The following PHF20 variants were observed in gnomAD, a reference collection of about 807,000 sequenced individuals.
PHF20 encodes PHD finger protein 20.
A neutral mutation model predicts 113.5 loss-of-function variants in PHF20; 23 were observed. That is an observed-to-expected ratio of 0.20 (90% confidence interval 0.15 to 0.29). The LOEUF (loss-of-function observed/expected upper bound fraction) is 0.29, where lower values mean the gene tolerates loss of function less well. Ranked by LOEUF, PHF20 falls within the 10% of genes least tolerant of loss-of-function variation. The pLI is 1.00. For missense variants in PHF20, 943 were observed against 1,219.6 expected, an observed-to-expected ratio of 0.77 and a Z score of 3.38; for synonymous variants, 434 against 457.3, an observed-to-expected ratio of 0.95 and a Z score of 0.65.
chr20:35,851,521 G>A (rs530563594), intron 4 of PHF20, among the ~76,000 whole-genome samples: 4 of 152,152 alleles, frequency 2.6e-5, no homozygotes, highest in Admixed American at 6.5e-5. Flanking sequence ...CACACGTGCA[G>A]GTGCTAGCTT....
chr20:35,801,318 G>A (rs1334794790), intron 1 of PHF20, among the ~76,000 whole-genome samples, 173 bp from the exon 2 acceptor site: 1 of 152,188 alleles, frequency 6.6e-6, no homozygotes, highest in African/African-American at 2.4e-5. Context: ...GAAGCTGCAC[G>A]ATGGAGGAAT....
chr20:35,889,028 T>G (rs2054794710), intron 9 of PHF20, among the ~76,000 whole-genome samples: 1 of 116,474 alleles, frequency 8.6e-6, no homozygotes, highest in Non-Finnish European at 1.8e-5. Flanking sequence ...TTTTTTTTTT[T>G]TTTTTTGAAA....
At chr20:35,857,562 C>CTTTTTTTTTTTTTGTTTT (rs2042855214) in intron 4 of PHF20, among the ~76,000 whole-genome samples, 1 of 99,674 alleles carries the variant, frequency 1.0e-5, no homozygotes, top group African/African-American at 3.7e-5. Flanking sequence ...AATGATGTTC[C>CTTTTTTTTTTTTTGTTTT]TTTTTTTTTT....
chr20:35,941,608 C>G (rs561367258), intron 17 of PHF20, among the ~76,000 whole-genome samples: 1 of 152,156 alleles, frequency 6.6e-6, no homozygotes, highest in African/African-American at 2.4e-5. Context: ...AGTTCAGTCT[C>G]TCTCCAGGAA....
chr20:35,937,998 A>G (rs534138053), intron 15 of PHF20, among the ~76,000 whole-genome samples: 24 of 152,074 alleles, frequency 1.6e-4, no homozygotes, highest in African/African-American at 5.5e-4. Context: ...CAGCCTCCCA[A>G]GTAGCTGGGA....
chr20:35,776,777 C>T (rs914011852), intron 1 of PHF20, among the ~76,000 whole-genome samples: 1 of 152,156 alleles, frequency 6.6e-6, no homozygotes, highest in Non-Finnish European at 1.5e-5. Context: ...AGTCCTAGCT[C>T]TTCCATTTAC....
At chr20:35,862,955 C>A in intron 5 of PHF20, 58 bp from the exon 6 acceptor site, 1 of 1,480,450 alleles carries the variant, frequency 6.8e-7, no homozygotes, top group Non-Finnish European at 9.0e-7. Flanking sequence ...TAAGAAACTC[C>A]TAATTTTGTA....
chr20:35,799,158 G>A (rs1372346121), intron 1 of PHF20, among the ~76,000 whole-genome samples: 1 of 152,012 alleles, frequency 6.6e-6, no homozygotes, highest in African/African-American at 2.4e-5. Context: ...GCTGTCAAGA[G>A]CCAAAGTATA....
chr20:35,817,811 A>G (rs1474770713), intron 2 of PHF20, among the ~76,000 whole-genome samples: 1 of 151,932 alleles, frequency 6.6e-6, no homozygotes, highest in Admixed American at 6.6e-5. Context: ...AATTTAAAAA[A>G]TAAAATTATT....
chr20:35,789,127 C>T (rs1051839617), intron 1 of PHF20, among the ~76,000 whole-genome samples: 1 of 152,084 alleles, frequency 6.6e-6, no homozygotes, highest in Non-Finnish European at 1.5e-5. Context: ...GAGAAAGCAG[C>T]TTGTTTGGCC....
chr20:35,866,831 A>G (rs867307741), intron 6 of PHF20, among the ~76,000 whole-genome samples: 2 of 152,218 alleles, frequency 1.3e-5, no homozygotes, highest in African/African-American at 4.8e-5. Context: ...TTCAGTTTTT[A>G]TATTTTTATA....
chr20:35,939,688 T>C (rs1384052966), intron 16 of PHF20, among the ~76,000 whole-genome samples: 4 of 152,166 alleles, frequency 2.6e-5, no homozygotes, highest in Non-Finnish European at 5.9e-5. Context: ...GTTGCCGGTG[T>C]TTTCATCTCT....
At chr20:35,781,283 A>G (rs1182421915) in intron 1 of PHF20, among the ~76,000 whole-genome samples, 1 of 151,764 alleles carries the variant, frequency 6.6e-6, no homozygotes, top group African/African-American at 2.4e-5. Flanking sequence ...AGCTGGGATT[A>G]TAGGCCTGCA....
intron 8 of PHF20, among the ~76,000 whole-genome samples, chr20:35,871,420 T>G (rs2054418847): frequency 6.6e-6 from 1 of 152,218 alleles, no homozygotes; most frequent in African/African-American, 2.4e-5. Flanking sequence ...GCCATCTCAT[T>G]CGTGCCTTTG....
intron 4 of PHF20, chr20:35,856,406 C>T (rs1376901903): frequency 6.6e-6 from 1 of 152,182 alleles, no homozygotes; most frequent in African/African-American, 2.4e-5. Flanking sequence ...TGCCCTGTTC[C>T]CAGTTGCTGT....
chr20:35,918,869 A>G (rs1284421334), intron 13 of PHF20, among the ~76,000 whole-genome samples: 2 of 152,202 alleles, frequency 1.3e-5, no homozygotes. Flanking sequence ...GTTCCCAGTA[A>G]AGGGGGTGGC....
intron 3 of PHF20, 42 bp from the exon 4 acceptor site, chr20:35,847,308 A>C (rs1283345646): frequency 1.5e-6 from 2 of 1,342,366 alleles, no homozygotes; most frequent in African/African-American, 2.9e-5. Context: ...CTGTGAAATT[A>C]GGTTGGTAAC....
chr20:35,909,958 A>G (rs1013568589), intron 10 of PHF20, among the ~76,000 whole-genome samples: 3 of 152,202 alleles, frequency 2.0e-5, no homozygotes, highest in Non-Finnish European at 2.9e-5. Flanking sequence ...TAAAATGGGA[A>G]TGATATACAC....
intron 1 of PHF20, among the ~76,000 whole-genome samples, chr20:35,780,267 C>A (rs1460687941): frequency 6.7e-6 from 1 of 148,448 alleles, no homozygotes; most frequent in Admixed American, 6.7e-5. Context: ...ACATTGTTGC[C>A]CAGGCTGGAG....
Sources: gnomAD v4.1 joint callset for allele counts (sites outside exome capture counted in the v4.1 genomes callset) on GRCh38, gnomAD v4.1.1 for gene constraint, MANE v1.5 for transcripts, NCBI Gene and HGNC (gene_info 2026-07-23, HGNC 2026-07-21) for gene names.